The following GYS2 variants were observed in gnomAD, a reference collection of about 807,000 sequenced individuals.
GYS2 encodes glycogen [starch] synthase, liver.
A neutral mutation model predicts 85.6 loss-of-function variants in GYS2; 80 were observed. The observed-to-expected ratio is 0.93, with a 90% CI of 0.78 to 1.13. The LOEUF is 1.13. Ranked by LOEUF, GYS2 falls within the 50% of genes most tolerant of loss-of-function variation. The probability of loss-of-function intolerance (pLI) is 0.00; values close to 1 mark genes in which losing one functional copy is unlikely to be tolerated. For missense variants in GYS2, 881 were observed against 854.9 expected (o/e 1.03, Z -0.38); for synonymous variants, 328 against 300.7 (o/e 1.09, Z -0.94).
At chr12:21,556,201 C>A (rs576789983) in intron 11 of GYS2, among the ~76,000 whole-genome samples, 2 of 151,994 alleles carry the variant, frequency 1.3e-5, no homozygotes, top group Non-Finnish European at 2.9e-5. Context: ...TTTTGTGAGG[C>A]GGAGTCTCAC....
chr12:21,559,611 A>G lies in GYS2; in HGVS notation c.1229+40T>C, dbSNP rs1871136. 796,906 of 1,045,352 alleles carry G rather than the reference A, an allele frequency of 0.76. 304,838 individuals are homozygous for G. Among genetic ancestry groups the G allele is most frequent in the South Asian group, 0.79 (62,310 of 79,100 alleles). 64.8% of individuals were successfully genotyped at this position (1,045,352 alleles called of 1,614,324 possible). On this transcript the variant is annotated intron_variant, in intron 9 of 15. Transcript: ENST00000261195. ...TAAATTGTTAAATTTGAATAGTGAAACCTTAAGTGATTGAAGTAGAAAGCA... is the reference window on the plus strand; with the variant it reads ...TAAATTGTTAAATTTGAATAGTGAAGCCTTAAGTGATTGAAGTAGAAAGCA...
In GYS2 at chr12:21,542,512, A is replaced by T. The variant is rs1255459553; in HGVS notation, c.1629T>A (p.Ala543=). The part of the protein sequence containing the change: ...GFGCFMQEHV[A]DPTAYGIYIV... ...AACCCTCACCGTAAGCAGTAGGATC[A>T]GCCACGTGCTCCTGCATGAAACAGC... The change falls in exon 13 of 16, where the codon GCT becomes GCA. Residue 543 remains alanine, a synonymous_variant. Transcript: ENST00000261195. 1 of 1,611,518 alleles carries T rather than the reference A, an allele frequency of 6.2e-7. No homozygotes were observed. The highest frequency in any genetic ancestry group is 1.7e-5 in the Admixed American group (1 of 60,014).
chr12:21,544,465 G>A (rs375471695), intron 12 of GYS2, among the ~76,000 whole-genome samples: 12 of 152,202 alleles, frequency 7.9e-5, no homozygotes, highest in African/African-American at 2.4e-4. Flanking sequence ...TTCTTGACCC[G>A]ACAGAAAGGA....
chr12:21,548,819 CT>C (rs1271799055), intron 11 of GYS2, among the ~76,000 whole-genome samples: 6 of 151,714 alleles, frequency 4.0e-5, no homozygotes, highest in Non-Finnish European at 1.5e-5. Flanking sequence ...TTTCCCAGCG[CT>C]TTTTTTTGGT....
chr12:21,539,062 C>G (rs539371373), intron 15 of GYS2, among the ~76,000 whole-genome samples, 196 bp downstream of exon 15: 5 of 152,296 alleles, frequency 3.3e-5, no homozygotes, highest in South Asian at 4.1e-4. Flanking sequence ...AGATGCTTCT[C>G]CAATGAGATG....
intron 1 of GYS2, among the ~76,000 whole-genome samples, chr12:21,593,641 GAA>G (rs893899133): frequency 6.6e-6 from 1 of 151,886 alleles, no homozygotes; most frequent in African/African-American, 2.4e-5. Flanking sequence ...TCCCAAAAAA[GAA>G]AATTTCAAGA....
intron 1 of GYS2, among the ~76,000 whole-genome samples, chr12:21,588,775 T>C (rs907400390): frequency 6.6e-6 from 1 of 152,242 alleles, no homozygotes; most frequent in South Asian, 2.1e-4. Context: ...CATAAATTGA[T>C]GTCATCTACT....
At chr12:21,571,795 T>C (rs892431502) in intron 4 of GYS2, among the ~76,000 whole-genome samples, 4 of 152,110 alleles carry the variant, frequency 2.6e-5, no homozygotes, top group Non-Finnish European at 4.4e-5. Context: ...AACTCGTCTC[T>C]ACTAAAAATA....
At chr12:21,569,157 C>A (rs970950345) in intron 4 of GYS2, 148 bp from the exon 5 acceptor site, 3 of 734,182 alleles carry the variant, frequency 4.1e-6, no homozygotes, top group Non-Finnish European at 7.1e-6. Flanking sequence ...TGAATTAAAC[C>A]CATTACTACA....
At chr12:21,553,971 C>T (rs1329264526) in intron 11 of GYS2, among the ~76,000 whole-genome samples, 1 of 152,236 alleles carries the variant, frequency 6.6e-6, no homozygotes, top group Admixed American at 6.5e-5. Context: ...ACTGAAAAGC[C>T]ATGTTGAGTG....
chr12:21,549,397 C>T (rs570770126), intron 11 of GYS2, among the ~76,000 whole-genome samples: 1 of 152,284 alleles, frequency 6.6e-6, no homozygotes, highest in African/African-American at 2.4e-5. Flanking sequence ...AATACACAAA[C>T]AAGAGCATTC....
At chr12:21,550,442 C>T (rs1391816253) in intron 11 of GYS2, among the ~76,000 whole-genome samples, 1 of 152,180 alleles carries the variant, frequency 6.6e-6, no homozygotes, top group Non-Finnish European at 1.5e-5. Flanking sequence ...CTCACATGCA[C>T]GGATGCCCTC....
At position 21,580,481 on chromosome 12, in the gene GYS2, GT is replaced by G; in HGVS notation, c.163del (p.Thr55GlnfsTer11). On this transcript the variant is annotated frameshift_variant, in exon 2 of 16. Transcript: ENST00000261195. LOFTEE classifies it high-confidence loss of function. ...ATAGTTCTCTCCCCATTCATCTGCT[GT>G]TGTTTTGGCCTTTGTCTGAATCACA... ...YTVIQTKAKTTADEWGENYFL... is the reference protein window; with the variant it reads ...YTVIQTKAKTXADEWGENYFL... The G allele has an allele frequency of 6.2e-7, 1 of 1,613,512 alleles. No homozygotes were observed. Among genetic ancestry groups the G allele is most frequent in the South Asian group, 1.1e-5 (1 of 91,074 alleles).
intron 6 of GYS2, 40 bp from the exon 7 acceptor site, chr12:21,563,078 A>G: frequency 2.1e-6 from 3 of 1,446,772 alleles, no homozygotes; most frequent in South Asian, 2.3e-5. Context: ...AATGAAATAC[A>G]GCAACAGTAA....
At chr12:21,563,115 T>C (rs1371075027) in intron 6 of GYS2, 77 bp from the exon 7 acceptor site, 20 of 1,245,896 alleles carry the variant, frequency 1.6e-5, no homozygotes, top group Non-Finnish European at 2.1e-5. Flanking sequence ...ATTCTGTTAA[T>C]GTACAAAGGG....
At chr12:21,549,848 G>T (rs1944085730) in intron 11 of GYS2, among the ~76,000 whole-genome samples, 1 of 151,878 alleles carries the variant, frequency 6.6e-6, no homozygotes, top group African/African-American at 2.4e-5. Context: ...AGACTTTTTG[G>T]CTTCTCCACT....
chr12:21,580,366 G>A lies in GYS2; in HGVS notation c.279C>T (p.Asp93=), dbSNP rs779704436. The A allele has an allele frequency of 1.5e-5, 25 of 1,613,440 alleles. No homozygotes were observed. Among genetic ancestry groups the A allele is most frequent in the Middle Eastern group, 1.6e-4 (1 of 6,084 alleles). The change falls in exon 2 of 16, where the codon GAC becomes GAT. Residue 93 remains aspartate (D), a synonymous_variant. Transcript: ENST00000261195. ...PVNDAVRRAV[D]AMNKHGCQVH... is the part of the protein sequence containing the mutation. ...CCTGGCAGCCATGCTTATTCATTGC[G>A]TCCACTGCTCTTCTGACAGCATCAT...
chr12:21,584,331 T>C (rs1373147465), intron 1 of GYS2, among the ~76,000 whole-genome samples: 1 of 141,310 alleles, frequency 7.1e-6, no homozygotes. Context: ...GATGGACCTC[T>C]ATGATTAGTC....
intron 1 of GYS2, among the ~76,000 whole-genome samples, chr12:21,587,946 T>C (rs529324545): frequency 1.3e-5 from 2 of 151,854 alleles, no homozygotes; most frequent in East Asian, 1.9e-4. Context: ...TAGGAGGACA[T>C]AGGGAGGGGT....
Sources: allele counts gnomAD v4.1 joint callset (sites outside exome capture counted in the v4.1 genomes callset), GRCh38; gene constraint gnomAD v4.1.1; transcripts MANE v1.5; gene names NCBI Gene and HGNC (gene_info 2026-07-23, HGNC 2026-07-21).